The following NFIC variants were observed in gnomAD, a reference collection of about 807,000 sequenced individuals.
NFIC encodes the protein nuclear factor 1 C-type.
In NFIC, 12 loss-of-function variants were observed where a neutral mutation model predicts 54.4. The observed-to-expected ratio is 0.22, with a 90% CI of 0.14 to 0.36. NFIC has a LOEUF of 0.36. NFIC is among the 10% of genes least tolerant of loss of function. The pLI is 1.00. For synonymous variants in NFIC, 322 were observed against 319.2 expected (o/e 1.01, Z -0.09); for missense variants, 575 against 718.2 (o/e 0.80, Z 2.28).
chr19:3,435,007 G>A, intron 5 of NFIC, 76 bp from the exon 6 acceptor site: 7 of 1,471,432 alleles, frequency 4.8e-6, no homozygotes, highest in Non-Finnish European at 6.4e-6. Context: ...AGGACCGGAA[G>A]TAGCAAAGCC....
chr19:3,447,311 A>C (rs1411338135), intron 6 of NFIC, among the ~76,000 whole-genome samples: 1 of 151,444 alleles, frequency 6.6e-6, no homozygotes, highest in Non-Finnish European at 1.5e-5. Flanking sequence ...AAAAAAAAAA[A>C]AAAAAAAGAC....
intron 3 of NFIC, among the ~76,000 whole-genome samples, chr19:3,429,793 G>A (rs1189917951): frequency 6.6e-6 from 1 of 152,146 alleles, no homozygotes; most frequent in African/African-American, 2.4e-5. Flanking sequence ...CTGCTGGCCT[G>A]CAACTTGCCA....
intron 2 of NFIC, among the ~76,000 whole-genome samples, chr19:3,391,528 GGCTCACA>G (rs1412357055): frequency 6.6e-6 from 1 of 152,050 alleles, no homozygotes; most frequent in Non-Finnish European, 1.5e-5. Context: ...CAGGCGCGGT[GGCTCACA>G]CCTGTAATCC....
At chr19:3,429,051 G>A (rs1219527145) in intron 3 of NFIC, among the ~76,000 whole-genome samples, 1 of 151,666 alleles carries the variant, frequency 6.6e-6, no homozygotes, top group Non-Finnish European at 1.5e-5. Context: ...TTGGGAGGCT[G>A]AAGCGGGAGG....
rs1222904842 is a variant in NFIC, at chr19:3,369,404, G to A, written c.30+2738G>A. 6.6e-6 allele frequency among the ~76,000 whole-genome samples: 1 copy of A among 151,846 alleles called. No individual in the cohort carries two copies. On this transcript the variant is annotated intron_variant, in intron 1 of 10. Coordinates refer to ENST00000443272, the MANE Select transcript of NFIC (RefSeq NM_001245002.2). The surrounding 1 kb of genome is among the most constrained non-coding windows in gnomAD (Gnocchi z 4.3). ...TCTCTCTCTGTCTCTCTCTGTCTCT[G>A]GGCCTCCCTCTCCCCCTTTTCCCAG...
At chr19:3,396,116 G>A (rs2081458357) in intron 2 of NFIC, among the ~76,000 whole-genome samples, 1 of 152,172 alleles carries the variant, frequency 6.6e-6, no homozygotes, top group African/African-American at 2.4e-5. Context: ...GAGGACTGGT[G>A]GTGACCCCCA....
At chr19:3,435,711 TCGTCTCCTTTCTGTA>T in intron 6 of NFIC, among the ~76,000 whole-genome samples, 1 of 152,264 alleles carries the variant, frequency 6.6e-6, no homozygotes, top group African/African-American at 2.4e-5. Context: ...TGCAGGAGAC[TCGTCTCCTTTCTGTA>T]GGGTCTCCAT....
chr19:3,367,555 A>G lies in NFIC; in HGVS notation c.30+889A>G, dbSNP rs1185895726. On this transcript the variant is annotated intron_variant, in intron 1 of 10. Transcript: ENST00000443272. Reference sequence around the variant, plus strand: ...CTGCCCCGGGGCCGAGCCTTGTGCAATGGCCGAGGGGGTGTGTGGGGAGGG... The same window carrying G: ...CTGCCCCGGGGCCGAGCCTTGTGCAGTGGCCGAGGGGGTGTGTGGGGAGGG... 4.6e-5 allele frequency among the ~76,000 whole-genome samples: 7 copies of G among 151,948 alleles called. No homozygotes were observed. The East Asian group carries it at 7.8e-4, about 17-fold the overall frequency.
At chr19:3,395,046 C>G (rs2081440393) in intron 2 of NFIC, among the ~76,000 whole-genome samples, 1 of 151,942 alleles carries the variant, frequency 6.6e-6, no homozygotes. Context: ...GGTTCTAGAC[C>G]TTCCAAACTG....
chr19:3,444,879 G>T (rs6510754), intron 6 of NFIC, among the ~76,000 whole-genome samples: 3 of 151,608 alleles, frequency 2.0e-5, no homozygotes, highest in Non-Finnish European at 4.4e-5. Flanking sequence ...GTGCACACAT[G>T]TATGCATGCA....
chr19:3,455,931 C>T (rs915561001), intron 9 of NFIC, among the ~76,000 whole-genome samples: 7 of 152,202 alleles, frequency 4.6e-5, no homozygotes, highest in African/African-American at 1.4e-4. Flanking sequence ...CCAGCTCCCC[C>T]CAACCCCAGC....
At chr19:3,437,823 C>T (rs190723894) in intron 6 of NFIC, among the ~76,000 whole-genome samples, 8 of 151,912 alleles carry the variant, frequency 5.3e-5, no homozygotes, top group Admixed American at 2.0e-4. Flanking sequence ...GGACTACAGG[C>T]GGGCACCACC....
chr19:3,445,733 C>G (rs993630464), intron 6 of NFIC, among the ~76,000 whole-genome samples: 5 of 152,176 alleles, frequency 3.3e-5, no homozygotes, highest in African/African-American at 1.2e-4. Context: ...CGGAAGTTCC[C>G]TGAGTGGTAA....
At chr19:3,393,132 A>G (rs377077697) in intron 2 of NFIC, among the ~76,000 whole-genome samples, 45 of 151,866 alleles carry the variant, frequency 3.0e-4, no homozygotes, top group East Asian at 9.8e-4. Context: ...GTAGAGATGG[A>G]GTTTTACCAT....
intron 1 of NFIC, among the ~76,000 whole-genome samples, chr19:3,380,483 G>A (rs576006942): frequency 4.0e-5 from 6 of 151,086 alleles, no homozygotes; most frequent in Non-Finnish European, 5.9e-5. Flanking sequence ...GCTCCAATAT[G>A]CCTGGCTACA....
chr19:3,420,736 T>G (rs1000620866), intron 2 of NFIC, among the ~76,000 whole-genome samples: 2 of 151,960 alleles, frequency 1.3e-5, no homozygotes, highest in African/African-American at 2.4e-5. Flanking sequence ...TCACCTTTTT[T>G]TTTTTGAGAT....
chr19:3,406,922 G>A (rs1382919481), intron 2 of NFIC, among the ~76,000 whole-genome samples: 1 of 151,940 alleles, frequency 6.6e-6, no homozygotes, highest in African/African-American at 2.4e-5. Flanking sequence ...CCGTGCAAAG[G>A]CCCTGAGGCA....
chr19:3,365,590 C>T (rs1277475232), upstream of NFIC, among the ~76,000 whole-genome samples: 29 of 152,174 alleles, frequency 1.9e-4, no homozygotes, highest in Admixed American at 1.9e-3. Context: ...GCTCCAGGTC[C>T]AGATGGCCTG....
intron 2 of NFIC, among the ~76,000 whole-genome samples, chr19:3,390,604 G>T (rs2081362151): frequency 6.6e-6 from 1 of 152,168 alleles, no homozygotes; most frequent in South Asian, 2.1e-4. Flanking sequence ...ACCTAATAGG[G>T]CTGCATAGGA....
Sources: allele counts gnomAD v4.1 joint callset (sites outside exome capture counted in the v4.1 genomes callset), GRCh38; gene constraint gnomAD v4.1.1; non-coding constraint Gnocchi (gnomAD v3.1); transcripts MANE v1.5; gene names NCBI Gene and HGNC (gene_info 2026-07-23, HGNC 2026-07-21).